ATP8A2: variants seen among roughly 807,000 people sequenced by gnomAD.
ATP8A2 encodes phospholipid-transporting ATPase IB.
In ATP8A2, 100 loss-of-function variants were observed where a neutral mutation model predicts 165.6. That is an observed-to-expected ratio of 0.60 (90% CI 0.51 to 0.71). ATP8A2 has a LOEUF of 0.71. ATP8A2 is among the 30% of genes least tolerant of loss of function. The pLI is 0.00. For synonymous variants in ATP8A2, 543 were observed against 548.8 expected (o/e 0.99, Z 0.15); for missense variants, 1,227 against 1,479.5 (o/e 0.83, Z 2.80).
intron 35 of ATP8A2, among the ~76,000 whole-genome samples, chr13:26,001,273 A>G (rs541138794): frequency 2.6e-5 from 4 of 152,338 alleles, no homozygotes; most frequent in African/African-American, 9.6e-5. Context: ...ATTTGCTTAC[A>G]CATTTGTCAG....
chr13:25,714,600 C>T (rs775340811), intron 25 of ATP8A2, among the ~76,000 whole-genome samples: 9 of 152,142 alleles, frequency 5.9e-5, no homozygotes, highest in African/African-American at 9.7e-5. Context: ...ACACGAGACA[C>T]GTAATGAACA....
chr13:25,521,762 C>G (rs181943846), intron 2 of ATP8A2, among the ~76,000 whole-genome samples: 107 of 152,228 alleles, frequency 7.0e-4, no homozygotes, highest in Non-Finnish European at 1.2e-3. Flanking sequence ...TGATCTCAAA[C>G]TCCAGGCTTC....
At chr13:25,597,218 T>C (rs1372320105) in intron 24 of ATP8A2, among the ~76,000 whole-genome samples, 1 of 152,240 alleles carries the variant, frequency 6.6e-6, no homozygotes, top group African/African-American at 2.4e-5. Context: ...TTGTCTTGCC[T>C]ATCCATTTTC....
intron 33 of ATP8A2, among the ~76,000 whole-genome samples, chr13:25,902,677 C>T (rs1480571670): frequency 5.3e-5 from 8 of 152,014 alleles, no homozygotes; most frequent in Admixed American, 6.6e-5. Context: ...CAAAACAGCT[C>T]CTCTTCCTAC....
intron 33 of ATP8A2, among the ~76,000 whole-genome samples, chr13:25,941,097 C>T (rs1955057829): frequency 6.6e-6 from 1 of 152,184 alleles, no homozygotes; most frequent in South Asian, 2.1e-4. Context: ...TTTCTGACTC[C>T]TCCAGGAAGG....
chr13:25,508,643 T>C (rs576962439), intron 2 of ATP8A2, among the ~76,000 whole-genome samples: 67 of 152,342 alleles, frequency 4.4e-4, no homozygotes, highest in African/African-American at 1.3e-3. Flanking sequence ...CTATGTAAGA[T>C]TGTATAAACT....
In ATP8A2 at chr13:25,839,576, G is replaced by A; in HGVS notation, c.2908G>A (p.Val970Ile). ...CTGGGGTCACTGCATCAACGCCTTG[G>A]TCCACTCCCTCATCCTCTTCTGGTT... ...VFWGHCINAL[V>I]HSLILFWFPM... The change falls in exon 30 of 37, where the codon GTC becomes ATC. Residue 970 changes from valine (V) to isoleucine (I), a missense_variant. Around this residue, in one of 5 missense-constraint regions of ATP8A2, gnomAD observed 260 missense variants for 245.1 expected, o/e 1.06. Coordinates refer to ENST00000381655, the MANE Select transcript of ATP8A2 (RefSeq NM_016529.6). 1 of 1,614,066 alleles carries A rather than the reference G, an allele frequency of 6.2e-7. No individual in the cohort carries two copies. Among genetic ancestry groups the A allele is most frequent in the Non-Finnish European group, 8.5e-7 (1 of 1,179,982 alleles).
intron 1 of ATP8A2, among the ~76,000 whole-genome samples, chr13:25,453,929 C>A (rs1437838151): frequency 6.6e-6 from 1 of 152,070 alleles, no homozygotes; most frequent in African/African-American, 2.4e-5. Flanking sequence ...AATTCTGTTT[C>A]CTTGTTTAGA....
At chr13:25,609,195 C>A (rs958109779) in intron 24 of ATP8A2, among the ~76,000 whole-genome samples, 1 of 151,406 alleles carries the variant, frequency 6.6e-6, no homozygotes, top group Non-Finnish European at 1.5e-5. Flanking sequence ...AGGCAACAAG[C>A]AAGTTGATGA....
chr13:25,534,505 T>C (rs1460754884), intron 6 of ATP8A2, among the ~76,000 whole-genome samples: 1 of 152,202 alleles, frequency 6.6e-6, no homozygotes, highest in Admixed American at 6.5e-5. Context: ...CTGACATTAC[T>C]TGAAACAGCA....
intron 33 of ATP8A2, among the ~76,000 whole-genome samples, chr13:25,892,115 A>G (rs1205436286): frequency 6.6e-6 from 1 of 151,584 alleles, no homozygotes; most frequent in Non-Finnish European, 1.5e-5. Flanking sequence ...AACTGGGACT[A>G]CAGGCGCCCG....
chr13:25,973,254 G>C (rs529240045), intron 35 of ATP8A2, among the ~76,000 whole-genome samples: 3 of 152,286 alleles, frequency 2.0e-5, no homozygotes, highest in Admixed American at 6.5e-5. Context: ...CCGTCGCCTC[G>C]TCTCCCTTCG....
At chr13:26,012,731 G>C (rs1211642875) in intron 36 of ATP8A2, 109 bp downstream of exon 36, 1 of 427,778 alleles carries the variant, frequency 2.3e-6, no homozygotes, top group East Asian at 4.5e-5. Context: ...GAGTGCTGAC[G>C]GGGGGTGGGG....
intron 30 of ATP8A2, among the ~76,000 whole-genome samples, chr13:25,841,990 A>G (rs1425700619): frequency 1.3e-5 from 2 of 152,180 alleles, no homozygotes; most frequent in African/African-American, 2.4e-5. Flanking sequence ...CCATGACCCA[A>G]ACACCTCCTA....
intron 1 of ATP8A2, among the ~76,000 whole-genome samples, chr13:25,382,740 T>A (rs2137930678): frequency 6.6e-6 from 1 of 152,088 alleles, no homozygotes; most frequent in Middle Eastern, 3.4e-3. Flanking sequence ...TGGTGAAACA[T>A]CTGTTTAGAT....
intron 21 of ATP8A2, 150 bp from the exon 22 acceptor site, chr13:25,579,658 T>C: frequency 1.3e-6 from 1 of 784,964 alleles, no homozygotes; most frequent in Admixed American, 2.3e-5. Context: ...TAAAGGTCCC[T>C]TGGTAGATGT....
At chr13:25,655,151 G>T (rs2041900259) in intron 24 of ATP8A2, among the ~76,000 whole-genome samples, 1 of 152,010 alleles carries the variant, frequency 6.6e-6, no homozygotes, top group Admixed American at 6.6e-5. Context: ...CTTCAGTGGA[G>T]TTCTTTTTTC....
intron 27 of ATP8A2, among the ~76,000 whole-genome samples, chr13:25,778,712 C>A (rs1263760822): frequency 6.6e-6 from 1 of 152,122 alleles, no homozygotes; most frequent in Non-Finnish European, 1.5e-5. Context: ...CCCAGGCTCC[C>A]TGTGCCTTCT....
intron 10 of ATP8A2, among the ~76,000 whole-genome samples, chr13:25,544,462 G>A (rs1275515157): frequency 1.3e-5 from 2 of 152,208 alleles, no homozygotes; most frequent in East Asian, 3.8e-4. Context: ...AGCAGTAGAC[G>A]TTGGTGGCCA....
Sources: allele counts gnomAD v4.1 joint callset (sites outside exome capture counted in the v4.1 genomes callset), GRCh38; gene constraint gnomAD v4.1.1; regional missense constraint gnomAD v4.1.1; transcripts MANE v1.5; gene names NCBI Gene and HGNC (gene_info 2026-07-23, HGNC 2026-07-21).